FBXO31: variants seen among roughly 807,000 people sequenced by gnomAD.
FBXO31 encodes F-box protein 31.
In FBXO31, 24 loss-of-function variants were observed where a neutral mutation model predicts 54.4. That is an observed-to-expected ratio of 0.44 (90% CI 0.32 to 0.62). FBXO31 has a LOEUF of 0.62. Ranked by LOEUF, FBXO31 falls within the 20% of genes least tolerant of loss-of-function variation. FBXO31 has a pLI of 0.05. For synonymous variants in FBXO31, 388 were observed against 335.6 expected (o/e 1.16, Z -1.71); for missense variants, 665 against 787.1 (o/e 0.84, Z 1.86).
At chr16:87,331,903 C>T (rs926696978) in intron 8 of FBXO31, among the ~76,000 whole-genome samples, 2 of 152,188 alleles carry the variant, frequency 1.3e-5, no homozygotes, top group African/African-American at 4.8e-5. Context: ...ATAAAGGAGG[C>T]CCAATGTGAA....
chr16:87,364,757 C>A (rs1249108147), intron 1 of FBXO31, among the ~76,000 whole-genome samples: 2 of 151,772 alleles, frequency 1.3e-5, no homozygotes, highest in African/African-American at 4.8e-5. Context: ...TCTGGTGGCT[C>A]ATGCCTGTAA....
At chr16:87,384,104 A>G (rs983223199), upstream of FBXO31, 28 of 157,546 alleles carry the variant, frequency 1.8e-4, no homozygotes, top group East Asian at 7.5e-4. Context: ...CTGCTCGGCG[A>G]CCACTTCGCG....
At chr16:87,387,281 A>C (rs184097711), upstream of FBXO31, among the ~76,000 whole-genome samples, 1 of 152,178 alleles carries the variant, frequency 6.6e-6, no homozygotes, top group Non-Finnish European at 1.5e-5. Flanking sequence ...CACGTTTACA[A>C]TCCTTTATGT....
At chr16:87,375,231 C>T (rs866942720) in intron 1 of FBXO31, among the ~76,000 whole-genome samples, 2 of 152,086 alleles carry the variant, frequency 1.3e-5, no homozygotes, top group Admixed American at 6.6e-5. Context: ...GGCGTGAACC[C>T]GGGAGGCAGA....
chr16:87,389,906 G>C (rs993572851), upstream of FBXO31: 3 of 152,224 alleles, frequency 2.0e-5, no homozygotes, highest in African/African-American at 7.2e-5. Context: ...GACTATCAGA[G>C]ATGTCTGAGG....
At chr16:87,383,883 G>A, upstream of FBXO31, 1 of 566,114 alleles carries the variant, frequency 1.8e-6, no homozygotes, top group Non-Finnish European at 2.4e-6. The surrounding 1 kb of genome is among the most constrained non-coding windows in gnomAD (Gnocchi z 4.9). Flanking sequence ...GTAGAGCTCC[G>A]CCCCGGCCGC....
Position 87,335,575 on chromosome 16 carries a change from C to CA in FBXO31, c.843-119dup, listed in dbSNP as rs1301495325. On this transcript the variant is annotated intron_variant, in intron 6 of 8. Transcript: ENST00000311635. The surrounding 1 kb of genome is among the most constrained non-coding windows in gnomAD (Gnocchi z 5.7). ...GGTAGGGCGGGCAGCTCAGCTCAAC[C>CA]AGGGCCAGGTGTCCACCAGGCCTGT... 1.8e-5 allele frequency: 21 copies of CA among 1,157,918 alleles called. No individual in the cohort carries two copies. The highest frequency in any genetic ancestry group is 2.4e-5 in the Non-Finnish European group (20 of 831,044). 71.7% of individuals were successfully genotyped at this position (1,157,918 alleles called of 1,614,324 possible).
At chr16:87,343,119 C>T (rs530578256) in intron 4 of FBXO31, among the ~76,000 whole-genome samples, 168 bp from the exon 5 acceptor site, 1 of 152,240 alleles carries the variant, frequency 6.6e-6, no homozygotes, top group Non-Finnish European at 1.5e-5. Flanking sequence ...AGCTGAGTCT[C>T]CCTGAGCAAC....
chr16:87,383,872 C>G (rs1051924042), upstream of FBXO31: 77 of 652,148 alleles, frequency 1.2e-4, no homozygotes, highest in Non-Finnish European at 1.5e-4. The surrounding 1 kb of genome is among the most constrained non-coding windows in gnomAD (Gnocchi z 4.9). Flanking sequence ...CCCGCCCCTA[C>G]GTAGAGCTCC....
In FBXO31 at chr16:87,334,239, C is replaced by T. The variant is rs769568504; in HGVS notation, c.1044G>A (p.Leu348=). The T allele has an allele frequency of 2.0e-5, 32 of 1,608,732 alleles. No individual in the cohort carries two copies. The South Asian group carries it at 3.0e-4, about 15-fold the overall frequency. The change falls in exon 8 of 9, where the codon CTG becomes CTA. Residue 348 remains leucine, a synonymous_variant. Transcript: ENST00000311635. ...PAGQQTVEID[L]RHRIQLPDLE... ...GGTCGGGCAGCTGGATCCGATGCCTCAGGTCGATCTCCACTGTCTGCTGCC... is the reference window on the plus strand; with the variant it reads ...GGTCGGGCAGCTGGATCCGATGCCTTAGGTCGATCTCCACTGTCTGCTGCC...
chr16:87,369,059 G>T (rs1267319243), intron 1 of FBXO31, among the ~76,000 whole-genome samples: 1 of 152,092 alleles, frequency 6.6e-6, no homozygotes, highest in Non-Finnish European at 1.5e-5. Flanking sequence ...AAAGTGCTAG[G>T]AATACAGGCG....
At position 87,345,279 on chromosome 16, in the gene FBXO31, G is replaced by A. The variant is rs972735691; in HGVS notation, c.490-1514C>T. ...GCCCAGAGCTCAACAAAGTCAGGGCGGGGCTTTCCGGAAAGTTCAAGAGGC... is the reference window on the plus strand; with the variant it reads ...GCCCAGAGCTCAACAAAGTCAGGGCAGGGCTTTCCGGAAAGTTCAAGAGGC... On this transcript the variant is annotated intron_variant, in intron 3 of 8. Transcript: ENST00000311635. The surrounding 1 kb of genome is among the most constrained non-coding windows in gnomAD (Gnocchi z 4.9). 7.9e-5 allele frequency among the ~76,000 whole-genome samples: 12 copies of A among 151,206 alleles called. No individual in the cohort carries two copies. Among genetic ancestry groups the A allele is most frequent in the South Asian group, 2.1e-4 (1 of 4,744 alleles).
At chr16:87,353,117 A>T (rs1451627625) in intron 2 of FBXO31, among the ~76,000 whole-genome samples, 4 of 152,110 alleles carry the variant, frequency 2.6e-5, no homozygotes, top group Non-Finnish European at 2.9e-5. Context: ...TGCCTCCTGG[A>T]GGCTGCAGGG....
In FBXO31 at chr16:87,361,656, A is replaced by C. The variant is rs951139138; in HGVS notation, c.341-1290T>G. 4.6e-5 allele frequency among the ~76,000 whole-genome samples: 7 copies of C among 152,328 alleles called. No individual in the cohort carries two copies. In the South Asian group the frequency reaches 1.4e-3, roughly 32 times the overall value. ...GCTGCCCCTCATCACATGCCTTTTG[A>C]TAAGCCCTACTCGCGCAGAGGCCTC... On this transcript the variant is annotated intron_variant, in intron 1 of 8. Coordinates refer to ENST00000311635, the MANE Select transcript of FBXO31 (RefSeq NM_024735.5).
intron 2 of FBXO31, among the ~76,000 whole-genome samples, chr16:87,357,429 A>C (rs1905944492): frequency 1.3e-5 from 2 of 150,214 alleles, no homozygotes; most frequent in African/African-American, 4.9e-5. Flanking sequence ...TCCCGGGTTC[A>C]AGCGATTCCC....
rs373666921 is a variant in FBXO31 at position 87,347,165 on chromosome 16, G to A, written c.489+9C>T. On this transcript the variant is annotated intron_variant, in intron 3 of 8. Coordinates refer to ENST00000311635, the MANE Select transcript of FBXO31 (RefSeq NM_024735.5). ...TGCACAGACCTCGTCGCGAGGCTCC[G>A]GGACTTACCACCACGTTCAGCAGTC... 37 of 1,613,584 alleles carry A rather than the reference G, an allele frequency of 2.3e-5. No homozygotes were observed. The highest frequency in any genetic ancestry group is 1.8e-4 in the South Asian group (16 of 91,048).
upstream of FBXO31, chr16:87,383,948 C>G (rs895099141): frequency 3.3e-5 from 9 of 272,986 alleles, no homozygotes; most frequent in Non-Finnish European, 5.3e-5. This position sits in a 1 kb window ranked among gnomAD's most constrained non-coding sequence, Gnocchi z 4.9. Context: ...GCTGCCCTCC[C>G]CTCCAGCGTG....
At chr16:87,360,160 TCAA>T in intron 2 of FBXO31, 132 bp downstream of exon 2, 1 of 778,558 alleles carries the variant, frequency 1.3e-6, no homozygotes, top group Non-Finnish European at 2.2e-6. Flanking sequence ...AGTGCTCTAT[TCAA>T]AATGTGACTG....
At chr16:87,375,656 T>G (rs187016253) in intron 1 of FBXO31, among the ~76,000 whole-genome samples, 32 of 152,224 alleles carry the variant, frequency 2.1e-4, no homozygotes, top group Middle Eastern at 3.4e-3. Flanking sequence ...AAGGCTTCTT[T>G]ATATTCCTCA....
Sources: gnomAD v4.1 joint callset for allele counts (sites outside exome capture counted in the v4.1 genomes callset) on GRCh38, gnomAD v4.1.1 for gene constraint, Gnocchi (gnomAD v3.1) non-coding constraint, MANE v1.5 for transcripts, NCBI Gene and HGNC (gene_info 2026-07-23, HGNC 2026-07-21) for gene names.